The following PTGER3 variants were observed in gnomAD, a reference collection of about 807,000 sequenced individuals.
PTGER3 encodes the protein prostaglandin E2 receptor EP3 subtype.
A neutral mutation model predicts 34.7 loss-of-function variants in PTGER3; 22 were observed. The ratio of observed to expected loss-of-function variants is 0.63; its 90% CI spans 0.45 to 0.91. The LOEUF (loss-of-function observed/expected upper bound fraction) is 0.91. PTGER3 is among the 40% of genes least tolerant of loss of function. PTGER3 has a pLI of 0.00. For synonymous variants in PTGER3, 241 were observed against 230.1 expected (o/e 1.05, Z -0.43); for missense variants, 468 against 519.4 (o/e 0.90, Z 0.96).
chr1:71,017,205 G>A (rs1469142161), intron 1 of PTGER3, among the ~76,000 whole-genome samples: 1 of 152,092 alleles, frequency 6.6e-6, no homozygotes, highest in African/African-American at 2.4e-5. Context: ...TAAAAAATCA[G>A]AGAACTTTTC....
intron 4 of PTGER3, among the ~76,000 whole-genome samples, chr1:70,921,593 T>C (rs1444612245): frequency 1.3e-5 from 2 of 152,088 alleles, no homozygotes; most frequent in Non-Finnish European, 2.9e-5. Flanking sequence ...TAAACCTGCT[T>C]TTCAAGATGG....
chr1:70,961,624 A>T (rs1651942727), intron 2 of PTGER3, among the ~76,000 whole-genome samples: 1 of 152,224 alleles, frequency 6.6e-6, no homozygotes, highest in Admixed American at 6.5e-5. Context: ...TGCTCTGAAT[A>T]TTAATGGTGG....
At chr1:70,981,515 C>A (rs951421189) in intron 2 of PTGER3, among the ~76,000 whole-genome samples, 8 of 151,498 alleles carry the variant, frequency 5.3e-5, no homozygotes, top group Admixed American at 5.3e-4. Context: ...TGGGCTCAAG[C>A]CTCCCACCTC....
At chr1:71,008,197 C>T (rs1454144920) in intron 2 of PTGER3, 3 of 945,848 alleles carry the variant, frequency 3.2e-6, no homozygotes, top group East Asian at 1.2e-4. Flanking sequence ...TGAAGAAATA[C>T]ATAATCTAGT....
intron 4 of PTGER3, among the ~76,000 whole-genome samples, chr1:70,943,875 A>AGC (rs1649984408): frequency 2.0e-5 from 3 of 151,388 alleles, no homozygotes; most frequent in African/African-American, 7.3e-5. Flanking sequence ...AGAGAGAGAG[A>AGC]GAGCAGTAAT....
At position 70,872,367 on chromosome 1, in the gene PTGER3, C is replaced by T. The variant is rs75937565; in HGVS notation, c.*24-19508G>A. On this transcript the variant is annotated intron_variant, in intron 4 of 4. Transcript: ENST00000370931. ...ATGGTGTTTCCCTCTGTAATAGTTA[C>T]GTATAAGCTTTGTGTCAAAATTTTG... Among the ~76,000 whole-genome samples the T allele has an allele frequency of 3.7e-3, 563 of 152,210 alleles. 4 individuals carry two copies. Among genetic ancestry groups the T allele is most frequent in the African/African-American group, 0.013 (527 of 41,530 alleles).
intron 4 of PTGER3, among the ~76,000 whole-genome samples, chr1:70,875,918 A>G (rs1646262524): frequency 6.6e-6 from 1 of 152,112 alleles, no homozygotes; most frequent in Non-Finnish European, 1.5e-5. Context: ...ATGAGTCTTT[A>G]TGGTAGAATG....
At chr1:70,936,197 A>G (rs927519483) in intron 4 of PTGER3, among the ~76,000 whole-genome samples, 1 of 152,180 alleles carries the variant, frequency 6.6e-6, no homozygotes, top group African/African-American at 2.4e-5. Context: ...GCTTGAGTGC[A>G]AACCCTTGGG....
At chr1:70,998,052 T>G (rs912061070) in intron 2 of PTGER3, among the ~76,000 whole-genome samples, 1 of 152,246 alleles carries the variant, frequency 6.6e-6, no homozygotes, top group Non-Finnish European at 1.5e-5. Context: ...TAAGTCAGAC[T>G]CTTTCTCTCT....
intron 4 of PTGER3, among the ~76,000 whole-genome samples, chr1:70,931,676 C>G (rs1648712452): frequency 6.6e-6 from 1 of 152,200 alleles, no homozygotes. Context: ...ATGTTGGCCC[C>G]TTTTAGCAAT....
At chr1:70,951,221 GAAT>G (rs1246846474), downstream of PTGER3, 3 of 151,762 alleles carry the variant, frequency 2.0e-5, no homozygotes, top group African/African-American at 7.3e-5. Flanking sequence ...ACCCATTTTT[GAAT>G]AATAAAAGAA....
intron 2 of PTGER3, among the ~76,000 whole-genome samples, chr1:70,954,624 T>C (rs1318233880): frequency 6.6e-6 from 1 of 152,176 alleles, no homozygotes; most frequent in African/African-American, 2.4e-5. Context: ...GAAGAGTCTA[T>C]ATTCCAAAAC....
At chr1:71,028,179 G>C (rs1389575715) in intron 1 of PTGER3, among the ~76,000 whole-genome samples, 1 of 152,068 alleles carries the variant, frequency 6.6e-6, no homozygotes, top group Non-Finnish European at 1.5e-5. Context: ...GGAATGTGCC[G>C]GGGTTAGGGA....
chr1:71,011,330 T>C (rs1280391279), intron 2 of PTGER3: 16 of 985,288 alleles, frequency 1.6e-5, no homozygotes, highest in Non-Finnish European at 1.9e-5. Flanking sequence ...AAAATATTTA[T>C]TTGTTTTGGA....
intron 4 of PTGER3, among the ~76,000 whole-genome samples, chr1:70,882,757 C>T (rs1045859971): frequency 6.6e-6 from 1 of 152,140 alleles, no homozygotes; most frequent in Non-Finnish European, 1.5e-5. Context: ...GGCTCTCACT[C>T]GCTCACCCTT....
exon 5 of PTGER3, chr1:70,852,780 T>G: frequency 6.3e-7 from 1 of 1,593,294 alleles, no homozygotes; most frequent in South Asian, 1.1e-5. Flanking sequence ...TTTTTTTTTC[T>G]TTTACAAAAA....
intron 2 of PTGER3, among the ~76,000 whole-genome samples, chr1:70,990,773 C>G (rs552556402): frequency 6.6e-6 from 1 of 152,084 alleles, no homozygotes; most frequent in Middle Eastern, 3.4e-3. Flanking sequence ...AGCAACTGCA[C>G]CTGGCTGGAA....
chr1:70,927,787 G>A (rs1328337795), intron 4 of PTGER3, among the ~76,000 whole-genome samples: 1 of 152,064 alleles, frequency 6.6e-6, no homozygotes, highest in Admixed American at 6.6e-5. Context: ...ATATGAAACA[G>A]CCAAGTGGCC....
intron 2 of PTGER3, among the ~76,000 whole-genome samples, chr1:70,990,677 A>G (rs1232658873): frequency 6.6e-6 from 1 of 151,882 alleles, no homozygotes; most frequent in African/African-American, 2.4e-5. Flanking sequence ...CGGGTTTCAC[A>G]GTGTTGCTCA....
Sources: allele counts gnomAD v4.1 joint callset (sites outside exome capture counted in the v4.1 genomes callset), GRCh38; gene constraint gnomAD v4.1.1; transcripts MANE v1.5; gene names NCBI Gene and HGNC (gene_info 2026-07-23, HGNC 2026-07-21).